ERC2: variants seen among roughly 807,000 people sequenced by gnomAD.
The protein encoded by ERC2 is ERC protein 2.
In ERC2, 42 loss-of-function variants were observed where a neutral mutation model predicts 114.8. That is an observed-to-expected ratio of 0.37 (90% CI 0.29 to 0.47). The LOEUF is 0.47. ERC2 is among the 20% of genes least tolerant of loss of function. ERC2 has a pLI of 0.99. For synonymous variants in ERC2, 454 were observed against 425.5 expected, an observed-to-expected ratio of 1.07 and a Z score of -0.82; for missense variants, 939 against 1,150.7, an observed-to-expected ratio of 0.82 and a Z score of 2.66.
intron 17 of ERC2, among the ~76,000 whole-genome samples, chr3:55,591,824 C>T (rs914213075): frequency 5.3e-5 from 8 of 152,040 alleles, no homozygotes; most frequent in Non-Finnish European, 7.4e-5. Flanking sequence ...CCCATTTCAC[C>T]AATGAGGAAA....
intron 17 of ERC2, among the ~76,000 whole-genome samples, chr3:55,593,998 C>T (rs1473206979): frequency 6.6e-6 from 1 of 152,182 alleles, no homozygotes; most frequent in Non-Finnish European, 1.5e-5. Context: ...GCCCAGCCTT[C>T]TTCATCCTCA....
intron 7 of ERC2, among the ~76,000 whole-genome samples, chr3:56,031,172 C>T (rs1261442796): frequency 2.0e-5 from 3 of 152,210 alleles, no homozygotes; most frequent in Non-Finnish European, 4.4e-5. Context: ...GCCCTAATGA[C>T]CACAGCCTCC....
Position 56,395,440 on chromosome 3 carries a change from C to T in ERC2, c.657+38911G>A, listed in dbSNP as rs188952928. Reference sequence around the variant, plus strand: ...GTAATGTAGTTTGGAAATTTGTCCCCATCCAATTCTCATGTTGAATTTGTA... The same window carrying T: ...GTAATGTAGTTTGGAAATTTGTCCCTATCCAATTCTCATGTTGAATTTGTA... On this transcript the variant is annotated intron_variant, in intron 2 of 17. Transcript: ENST00000288221. Among the ~76,000 whole-genome samples the T allele has an allele frequency of 3.6e-3, 550 of 152,234 alleles. 4 individuals are homozygous for T. Among genetic ancestry groups the T allele is most frequent in the African/African-American group, 7.0e-3 (291 of 41,526 alleles).
intron 13 of ERC2, among the ~76,000 whole-genome samples, chr3:55,938,629 G>A (rs544121399): frequency 3.9e-4 from 59 of 152,270 alleles, no homozygotes; most frequent in Admixed American, 1.0e-3. Flanking sequence ...AGGTTATATT[G>A]TTTAACAGTT....
chr3:55,798,843 A>G (rs1031392467), intron 14 of ERC2, among the ~76,000 whole-genome samples: 1 of 152,228 alleles, frequency 6.6e-6, no homozygotes, highest in Non-Finnish European at 1.5e-5. Flanking sequence ...GAATTTGTAA[A>G]CGCATAAAGA....
At chr3:55,955,248 T>TTGTTTG (rs2067867553) in intron 12 of ERC2, 1 of 359,198 alleles carries the variant, frequency 2.8e-6, no homozygotes, top group Non-Finnish European at 5.7e-6. Context: ...GGTGGTGTGT[T>TTGTTTG]TGTGTGTGTG....
chr3:55,807,280 A>T (rs1258646572), intron 14 of ERC2, among the ~76,000 whole-genome samples: 2 of 152,218 alleles, frequency 1.3e-5, no homozygotes, highest in African/African-American at 4.8e-5. Flanking sequence ...ATTACAGTTG[A>T]TATGGCTGTG....
intron 13 of ERC2, among the ~76,000 whole-genome samples, chr3:55,942,393 A>AT (rs1325260919): frequency 4.7e-4 from 64 of 135,422 alleles, no homozygotes; most frequent in African/African-American, 1.7e-3. Flanking sequence ...GGTTCACGCC[A>AT]TTCTCCTACC....
chr3:55,767,952 T>C (rs889640266), intron 14 of ERC2, among the ~76,000 whole-genome samples: 13 of 152,144 alleles, frequency 8.5e-5, no homozygotes, highest in African/African-American at 2.4e-4. Flanking sequence ...TGGGAGGCGA[T>C]TGGATCATGG....
chr3:55,630,995 C>T (rs2059732906), intron 17 of ERC2, among the ~76,000 whole-genome samples: 1 of 151,946 alleles, frequency 6.6e-6, no homozygotes, highest in Non-Finnish European at 1.5e-5. Flanking sequence ...AAGGTAACAA[C>T]TTCCAGATGG....
At chr3:56,112,839 A>T (rs983655949) in intron 6 of ERC2, among the ~76,000 whole-genome samples, 1 of 151,908 alleles carries the variant, frequency 6.6e-6, no homozygotes, top group African/African-American at 2.4e-5. Context: ...TCAACACCAC[A>T]CTCCTCTGAT....
At chr3:56,311,286 T>C (rs199888950) in intron 2 of ERC2, among the ~76,000 whole-genome samples, 35 of 76,088 alleles carry the variant, frequency 4.6e-4, no homozygotes, top group Non-Finnish European at 9.4e-4. Flanking sequence ...TATATATATA[T>C]ATATACACAC....
intron 17 of ERC2, among the ~76,000 whole-genome samples, chr3:55,541,443 T>A (rs2054387897): frequency 6.6e-6 from 1 of 152,206 alleles, no homozygotes; most frequent in Non-Finnish European, 1.5e-5. Flanking sequence ...GTAGCCTACA[T>A]GACAAGAGCC....
chr3:56,437,319 C>A (rs2062066791), intron 1 of ERC2, among the ~76,000 whole-genome samples: 1 of 152,254 alleles, frequency 6.6e-6, no homozygotes, highest in South Asian at 2.1e-4. Flanking sequence ...GCCTAGCCAA[C>A]CAGCCACTGC....
At chr3:56,212,062 A>C (rs2049099036) in intron 3 of ERC2, among the ~76,000 whole-genome samples, 1 of 152,174 alleles carries the variant, frequency 6.6e-6, no homozygotes, top group South Asian at 2.1e-4. Flanking sequence ...AAGAACCCAA[A>C]AGCAAACTCA....
intron 14 of ERC2, among the ~76,000 whole-genome samples, chr3:55,754,670 A>T (rs2066937358): frequency 6.6e-6 from 1 of 151,448 alleles, no homozygotes; most frequent in Admixed American, 6.6e-5. Flanking sequence ...ATGATCAAAT[A>T]AATGAAAGTC....
chr3:56,378,755 C>A (rs73075814), intron 2 of ERC2, among the ~76,000 whole-genome samples: 1 of 152,114 alleles, frequency 6.6e-6, no homozygotes, highest in Non-Finnish European at 1.5e-5. Context: ...CAGAGACAGG[C>A]TCCCATTCCT....
chr3:56,055,685 C>T (rs371748104), intron 7 of ERC2, among the ~76,000 whole-genome samples: 41 of 152,300 alleles, frequency 2.7e-4, no homozygotes, highest in African/African-American at 9.1e-4. Context: ...TGCCACTCTC[C>T]GGGGGCCTAT....
intron 7 of ERC2, among the ~76,000 whole-genome samples, chr3:56,050,662 A>G (rs919555655): frequency 6.6e-6 from 1 of 152,126 alleles, no homozygotes; most frequent in African/African-American, 2.4e-5. Context: ...ACAAGGGAAG[A>G]GTCCTCCCAT....
Sources: allele counts gnomAD v4.1 joint callset (sites outside exome capture counted in the v4.1 genomes callset), GRCh38; gene constraint gnomAD v4.1.1; transcripts MANE v1.5; gene names NCBI Gene and HGNC (gene_info 2026-07-23, HGNC 2026-07-21).